The following PTPRA variants were observed in gnomAD, a reference collection of about 807,000 sequenced individuals.
The protein encoded by PTPRA is protein tyrosine phosphatase receptor type A, also known as receptor-type tyrosine-protein phosphatase alpha.
In PTPRA, 25 loss-of-function variants were observed where a neutral mutation model predicts 104.8. That is an observed-to-expected ratio of 0.24 (90% CI 0.17 to 0.33). PTPRA has a LOEUF of 0.33. Ranked by LOEUF, PTPRA falls within the 10% of genes least tolerant of loss-of-function variation. PTPRA has a pLI of 1.00. For missense variants in PTPRA, 765 were observed against 1,015.3 expected (o/e 0.75, Z 3.35); for synonymous variants, 323 against 368.9 (o/e 0.88, Z 1.43).
chr20:2,920,046 G>T (rs1194813607), intron 1 of PTPRA, among the ~76,000 whole-genome samples: 1 of 152,212 alleles, frequency 6.6e-6, no homozygotes, highest in Non-Finnish European at 1.5e-5. Context: ...TGTGACAAAG[G>T]CTGTTTGGCC....
chr20:2,999,500 G>A (rs2063540035), intron 9 of PTPRA, among the ~76,000 whole-genome samples: 1 of 152,170 alleles, frequency 6.6e-6, no homozygotes, highest in African/African-American at 2.4e-5. Flanking sequence ...TATTGGCACT[G>A]GGATAGACAG....
At chr20:2,892,596 C>T (rs1432255119) in intron 1 of PTPRA, among the ~76,000 whole-genome samples, 3 of 152,146 alleles carry the variant, frequency 2.0e-5, no homozygotes, top group Non-Finnish European at 4.4e-5. Context: ...CCATGGTGTA[C>T]TGTGTTGCCA....
At chr20:2,982,930 C>G (rs551218789) in intron 6 of PTPRA, among the ~76,000 whole-genome samples, 34 of 152,072 alleles carry the variant, frequency 2.2e-4, no homozygotes, top group Admixed American at 5.2e-4. Flanking sequence ...GAATTCTTGA[C>G]CTCATGATCT....
At chr20:2,909,931 T>C (rs1200221337) in intron 1 of PTPRA, among the ~76,000 whole-genome samples, 2 of 126,318 alleles carry the variant, frequency 1.6e-5, no homozygotes, top group East Asian at 2.0e-4. Flanking sequence ...TATTGTTATA[T>C]ATAATATGTG....
At chr20:2,867,771 A>G in the PTPRA span, among the ~76,000 whole-genome samples, 1 of 152,184 alleles carries the variant, frequency 6.6e-6, no homozygotes, top group Non-Finnish European at 1.5e-5. Flanking sequence ...CTCCCTATTT[A>G]ACACCCCTAG....
At chr20:2,882,092 GAT>G (rs2090086405) in intron 1 of PTPRA, among the ~76,000 whole-genome samples, 1 of 152,150 alleles carries the variant, frequency 6.6e-6, no homozygotes, top group Non-Finnish European at 1.5e-5. Flanking sequence ...AAAATGGACT[GAT>G]GTACTACATG....
intron 5 of PTPRA, among the ~76,000 whole-genome samples, chr20:2,972,026 G>GT (rs923750218): frequency 1.1e-4 from 16 of 152,070 alleles, no homozygotes; most frequent in African/African-American, 3.9e-4. Flanking sequence ...TAGAGACGTG[G>GT]TTTCACCATG....
intron 1 of PTPRA, among the ~76,000 whole-genome samples, chr20:2,877,448 G>C (rs959606979): frequency 6.6e-6 from 1 of 152,064 alleles, no homozygotes; most frequent in Non-Finnish European, 1.5e-5. Flanking sequence ...TAGTAAAGAC[G>C]GGGTTTCTCC....
chr20:3,013,034 A>G (rs1352587474), intron 11 of PTPRA, among the ~76,000 whole-genome samples: 2 of 152,150 alleles, frequency 1.3e-5, no homozygotes, highest in Admixed American at 1.3e-4. Flanking sequence ...ATTTTAGAAC[A>G]TTGTCATCCC....
At chr20:2,989,189 C>A (rs1568683923) in intron 9 of PTPRA, among the ~76,000 whole-genome samples, 1 of 152,202 alleles carries the variant, frequency 6.6e-6, no homozygotes, top group Non-Finnish European at 1.5e-5. Context: ...AATCCCAACA[C>A]TTTGGGAGGC....
chr20:2,897,906 CTTTTTTTTTTT>C (rs34328077), intron 1 of PTPRA, among the ~76,000 whole-genome samples: 9 of 83,708 alleles, frequency 1.1e-4, no homozygotes, highest in African/African-American at 4.6e-4. Context: ...CCTCATCATT[CTTTTTTTTTTT>C]TTTTTTTTTT....
At chr20:2,965,247 T>G in intron 5 of PTPRA, 45 bp downstream of exon 5, 1 of 1,491,864 alleles carries the variant, frequency 6.7e-7, no homozygotes. Flanking sequence ...TTGAGTTTAG[T>G]CTTCCTTTTA....
At chr20:2,917,675 A>G (rs1347229286) in intron 1 of PTPRA, among the ~76,000 whole-genome samples, 2 of 152,152 alleles carry the variant, frequency 1.3e-5, no homozygotes, top group Non-Finnish European at 2.9e-5. Context: ...GTTTTACTAG[A>G]TTAGAAAAAG....
intron 9 of PTPRA, among the ~76,000 whole-genome samples, chr20:3,001,293 T>C (rs1443879248): frequency 6.6e-6 from 1 of 152,220 alleles, no homozygotes; most frequent in East Asian, 1.9e-4. Context: ...CTTTCTTCTC[T>C]CTTGTTAAAC....
At position 3,027,197 on chromosome 20, in the gene PTPRA, T is replaced by C. The variant is rs1240904487; in HGVS notation, c.1785T>C (p.Asp595=). The C allele has an allele frequency of 1.9e-6, 3 of 1,613,886 alleles. No individual in the cohort carries two copies. The highest frequency in any genetic ancestry group is 1.3e-5 in the African/African-American group (1 of 75,038). The change falls in exon 19 of 24, where the codon GAT becomes GAC. Residue 595 remains aspartate (D), a splice_region_variant and synonymous_variant. Coordinates refer to ENST00000399903, the MANE Select transcript of PTPRA (RefSeq NM_001385305.1). ...NTDYVNASFI[D]GYRQKDSYIA... ...ACTATGTGAACGCATCCTTTATTGA[T>C]GTAAGTGGTGGGTGTGACCCCTGAG...
rs565825230 is a variant in PTPRA at position 2,989,825 on chromosome 20, G to A, written c.738+1351G>A. ...AAGGTCAGGAGATCGAGACCATCCT[G>A]GCTAACACAGTGAAACCCTGTCTCT... is the stretch of plus-strand genomic sequence containing the variant. On this transcript the variant is annotated intron_variant, in intron 9 of 23. Coordinates refer to ENST00000399903, the MANE Select transcript of PTPRA (RefSeq NM_001385305.1). 4.0e-4 allele frequency among the ~76,000 whole-genome samples: 61 copies of A among 152,192 alleles called. 2 individuals carry two copies. In the South Asian group the frequency reaches 9.7e-3, roughly 24 times the overall value.
At chr20:2,946,055 A>G (rs1461184052) in intron 2 of PTPRA, among the ~76,000 whole-genome samples, 1 of 152,084 alleles carries the variant, frequency 6.6e-6, no homozygotes, top group Non-Finnish European at 1.5e-5. Flanking sequence ...ATGGTTGTGA[A>G]TATTTGGACT....
At chr20:2,938,158 CAGAT>C (rs1439898549) in intron 2 of PTPRA, among the ~76,000 whole-genome samples, 1 of 152,072 alleles carries the variant, frequency 6.6e-6, no homozygotes, top group Non-Finnish European at 1.5e-5. Context: ...ACCTCTAAAA[CAGAT>C]AGATAGATAG....
intron 9 of PTPRA, among the ~76,000 whole-genome samples, chr20:2,989,861 C>CAA: frequency 6.6e-6 from 1 of 151,674 alleles, no homozygotes; most frequent in South Asian, 2.1e-4. Flanking sequence ...ACTAAAAATA[C>CAA]AAAAAATTAG....
Sources: allele counts gnomAD v4.1 joint callset (sites outside exome capture counted in the v4.1 genomes callset), GRCh38; gene constraint gnomAD v4.1.1; transcripts MANE v1.5; gene names NCBI Gene and HGNC (gene_info 2026-07-23, HGNC 2026-07-21).